The following SLC16A7 variants were observed in gnomAD, a reference collection of about 807,000 sequenced individuals.
SLC16A7 encodes monocarboxylate transporter 2.
SLC16A7 carries 33 observed loss-of-function variants against 34.9 expected under a neutral mutation model. That is an observed-to-expected ratio of 0.94 (90% CI 0.72 to 1.26). SLC16A7 has a LOEUF of 1.26. Among genes scored for constraint, SLC16A7 ranks in the 50% most tolerant of loss-of-function variants. The pLI is 0.00. For missense variants in SLC16A7, 573 were observed against 578.1 expected, an observed-to-expected ratio of 0.99 and a Z score of 0.09; for synonymous variants, 201 against 206.6, an observed-to-expected ratio of 0.97 and a Z score of 0.23.
intron 3 of SLC16A7, among the ~76,000 whole-genome samples, chr12:59,753,057 A>G (rs1356349983): frequency 2.6e-5 from 4 of 152,178 alleles, no homozygotes; most frequent in Non-Finnish European, 5.9e-5. Flanking sequence ...GCAAATGCTG[A>G]GAGATTTTGT....
At chr12:59,754,526 C>T (rs1329725003) in intron 3 of SLC16A7, among the ~76,000 whole-genome samples, 19 of 152,092 alleles carry the variant, frequency 1.2e-4, no homozygotes, top group Non-Finnish European at 2.2e-4. Context: ...ATAAATTCCT[C>T]GACACGTACA....
intron 3 of SLC16A7, among the ~76,000 whole-genome samples, chr12:59,765,197 A>T (rs11173136): frequency 2.0e-5 from 3 of 151,626 alleles, no homozygotes; most frequent in Non-Finnish European, 4.4e-5. Context: ...TTTTCTTGTA[A>T]ATTTGTTTGA....
chr12:59,629,966 G>T (rs1302372593), intron 1 of SLC16A7, among the ~76,000 whole-genome samples: 1 of 151,826 alleles, frequency 6.6e-6, no homozygotes, highest in South Asian at 2.1e-4. Context: ...TTTGAAGAAA[G>T]ACACCATTTT....
chr12:59,758,446 T>G (rs1389172993), intron 3 of SLC16A7, among the ~76,000 whole-genome samples: 1 of 152,094 alleles, frequency 6.6e-6, no homozygotes, highest in African/African-American at 2.4e-5. Context: ...TAGCATGAGG[T>G]ATCCTCAAAA....
chr12:59,675,783 GA>G (rs1870260972), intron 2 of SLC16A7, among the ~76,000 whole-genome samples: 1 of 151,608 alleles, frequency 6.6e-6, no homozygotes, highest in Admixed American at 6.6e-5. Flanking sequence ...AACACTTTTA[GA>G]AAAAAAATGA....
intron 2 of SLC16A7, among the ~76,000 whole-genome samples, chr12:59,669,964 T>G (rs900808137): frequency 6.6e-6 from 1 of 152,172 alleles, no homozygotes. Context: ...AAGCACTTTC[T>G]AGGGCTGCCA....
chr12:59,615,752 A>T (rs1260025597), intron 1 of SLC16A7, among the ~76,000 whole-genome samples: 2 of 152,208 alleles, frequency 1.3e-5, no homozygotes, highest in African/African-American at 4.8e-5. Context: ...AGTGTCCTAA[A>T]CAGCATAAAG....
intron 1 of SLC16A7, among the ~76,000 whole-genome samples, chr12:59,645,644 T>G (rs1880876085): frequency 6.6e-6 from 1 of 152,136 alleles, no homozygotes; most frequent in Non-Finnish European, 1.5e-5. Flanking sequence ...GAGAACAGAT[T>G]AATACAGTAA....
In SLC16A7 at chr12:59,780,589, A is replaced by AT. The variant is rs891474304; in HGVS notation, c.*914dup. ...AGTCACATCCATTGATTTTACAGGGATTTTAGTTCGTAATCCAGAAAGTAA... is the reference window on the plus strand; with the variant it reads ...AGTCACATCCATTGATTTTACAGGGATTTTTAGTTCGTAATCCAGAAAGTAA... On this transcript the variant is annotated 3_prime_UTR_variant, in exon 6 of 6. Transcript: ENST00000547379. 6.6e-6 allele frequency: 1 copy of AT among 152,106 alleles called. No individual in the cohort carries two copies. The highest frequency in any genetic ancestry group is 2.4e-5 in the African/African-American group (1 of 41,446). The allele number at this position is 152,106 out of a possible 1,614,324, so 9.4% of individuals were successfully genotyped here. A position where few individuals can be genotyped will look rare whatever the true frequency, so the allele number is the denominator to read the frequency against.
chr12:59,662,650 A>G (rs960039606), intron 2 of SLC16A7, among the ~76,000 whole-genome samples: 3 of 152,120 alleles, frequency 2.0e-5, no homozygotes, highest in Admixed American at 1.3e-4. Context: ...CACATCTCAC[A>G]GAACTTAGTT....
intron 3 of SLC16A7, among the ~76,000 whole-genome samples, chr12:59,705,908 T>C (rs1250456522): frequency 2.0e-5 from 3 of 152,298 alleles, no homozygotes; most frequent in Non-Finnish European, 2.9e-5. Flanking sequence ...ATATGGCTCT[T>C]AGTCATGAAA....
At position 59,788,980 on chromosome 12, in the gene SLC16A7, A is replaced by T. The variant is rs982092579; in HGVS notation, c.*9301A>T. 6.6e-6 allele frequency: 1 copy of T among 152,092 alleles called. No homozygotes were observed. The highest frequency in any genetic ancestry group is 1.5e-5 in the Non-Finnish European group (1 of 67,954). The allele number at this position is 152,092 out of a possible 1,614,324, so 9.4% of individuals were successfully genotyped here. ...TATATGAACATAATGTTTTAAAAAA[A>T]TCTTGGTTGTAGTTTCTAATTTTCA... On this transcript the variant is annotated 3_prime_UTR_variant, in exon 6 of 6. Transcript: ENST00000547379.
chr12:59,602,166 A>C (rs1373889920), intron 1 of SLC16A7, among the ~76,000 whole-genome samples: 1 of 152,188 alleles, frequency 6.6e-6, no homozygotes, highest in Non-Finnish European at 1.5e-5. Flanking sequence ...TTTGCCTTTC[A>C]TTAAAGGATG....
At chr12:59,675,899 C>T (rs1462642066) in intron 2 of SLC16A7, among the ~76,000 whole-genome samples, 1 of 151,936 alleles carries the variant, frequency 6.6e-6, no homozygotes, top group Non-Finnish European at 1.5e-5. Context: ...AGTTTTGCAG[C>T]TATTGCAAAT....
At chr12:59,635,123 A>T (rs763631490) in intron 1 of SLC16A7, among the ~76,000 whole-genome samples, 8 of 152,074 alleles carry the variant, frequency 5.3e-5, no homozygotes, top group Non-Finnish European at 1.2e-4. Flanking sequence ...AGCTTTTGCC[A>T]TTAGAAACTA....
At chr12:59,710,420 C>T (rs1219637488) in intron 3 of SLC16A7, among the ~76,000 whole-genome samples, 2 of 152,168 alleles carry the variant, frequency 1.3e-5, no homozygotes, top group African/African-American at 2.4e-5. Flanking sequence ...ATCTGTGTGT[C>T]TCTTCCAAAA....
intron 1 of SLC16A7, among the ~76,000 whole-genome samples, chr12:59,620,527 A>C (rs1433152901): frequency 6.6e-6 from 1 of 151,972 alleles, no homozygotes; most frequent in African/African-American, 2.4e-5. Flanking sequence ...CAGCCTGGAA[A>C]GTTGATGACT....
intron 2 of SLC16A7, among the ~76,000 whole-genome samples, chr12:59,666,891 G>A (rs916554261): frequency 6.6e-6 from 1 of 152,210 alleles, no homozygotes; most frequent in Non-Finnish European, 1.5e-5. Flanking sequence ...GTAACAGGCA[G>A]AGGTTGAAAG....
intron 2 of SLC16A7, among the ~76,000 whole-genome samples, chr12:59,678,897 G>T (rs1416753356): frequency 6.6e-6 from 1 of 152,142 alleles, no homozygotes; most frequent in Non-Finnish European, 1.5e-5. Context: ...GCTTGTTGAT[G>T]CCCAAAGCCC....
Sources: allele counts gnomAD v4.1 joint callset (sites outside exome capture counted in the v4.1 genomes callset), GRCh38; gene constraint gnomAD v4.1.1; transcripts MANE v1.5; gene names NCBI Gene and HGNC (gene_info 2026-07-23, HGNC 2026-07-21).